The following ITIH1 variants were observed in gnomAD, a reference collection of about 807,000 sequenced individuals.
The protein encoded by ITIH1 is inter-alpha-trypsin inhibitor heavy chain 1.
Under a neutral mutation model 104.6 loss-of-function variants are expected in ITIH1, and 94 were observed. That is an observed-to-expected ratio of 0.90 (90% confidence interval 0.76 to 1.07). The LOEUF (loss-of-function observed/expected upper bound fraction) is 1.07. Ranked by LOEUF, ITIH1 falls within the 50% of genes least tolerant of loss-of-function variation. The probability of loss-of-function intolerance (pLI) is 0.00; values close to 1 mark genes in which losing one functional copy is unlikely to be tolerated. For missense variants in ITIH1, 1,193 were observed against 1,181.4 expected (o/e 1.01, Z -0.14); for synonymous variants, 455 against 464.4 (o/e 0.98, Z 0.26).
rs1698993454 is a variant in ITIH1 at position 52,779,927 on chromosome 3, T to C, written c.573+333T>C. ...CGCGCAGCCTGAGGGCCTGGAATTA[T>C]TGCTGGCACCTAAGTGGTGGCTGAG... On this transcript the variant is annotated intron_variant, in intron 5 of 21. Coordinates refer to ENST00000273283, the MANE Select transcript of ITIH1 (RefSeq NM_002215.4). This position sits in a 1 kb window ranked among gnomAD's most constrained non-coding sequence, Gnocchi z 4.4. The C allele has an allele frequency of 7.3e-7, 1 of 1,376,068 alleles. No individual in the cohort carries two copies. The allele number at this position is 1,376,068 out of a possible 1,614,324, so 85.2% of individuals were successfully genotyped here. A position where few individuals can be genotyped will look rare whatever the true frequency, so the allele number is the denominator to read the frequency against.
rs1459381561 is a variant in ITIH1, at chr3:52,788,252, A to G, written c.2026A>G (p.Ile676Val). 2 of 1,611,388 alleles carry G rather than the reference A, an allele frequency of 1.2e-6. No homozygotes were observed. Among genetic ancestry groups the G allele is most frequent in the Non-Finnish European group, 1.7e-6 (2 of 1,178,814 alleles). The change falls in exon 18 of 22, where the codon ATC becomes GTC. Residue 676 changes from isoleucine to valine, a missense_variant. Physicochemically the swap from Ile to Val is conservative, Grantham distance 29. Coordinates refer to ENST00000273283, the MANE Select transcript of ITIH1 (RefSeq NM_002215.4). ...VTGVDTDPHFIIHVPQKEDTL... is the reference protein window; with the variant it reads ...VTGVDTDPHFVIHVPQKEDTL... ...CCCAGTGGACACAGACCCTCACTTC[A>G]TCATCCACGTGCCCCAGAAAGAGGA...
intron 6 of ITIH1, among the ~76,000 whole-genome samples, chr3:52,780,977 TAGAGCCTGC>T (rs1214314999): frequency 6.6e-6 from 1 of 152,192 alleles, no homozygotes; most frequent in African/African-American, 2.4e-5. Context: ...CCCACTTATG[TAGAGCCTGC>T]ACCACAATTC....
intron 16 of ITIH1, 60 bp from the exon 17 acceptor site, chr3:52,787,926 C>T (rs1272770213): frequency 2.0e-6 from 3 of 1,483,228 alleles, no homozygotes; most frequent in Admixed American, 3.3e-5. Context: ...TCAGAGGGAT[C>T]AGCAGCTCCA....
chr3:52,778,916 CT>C (rs1559460021), intron 3 of ITIH1, 25 bp from the exon 4 acceptor site: 1 of 1,540,662 alleles, frequency 6.5e-7, no homozygotes, highest in Admixed American at 1.7e-5. Context: ...CTCATCTTTC[CT>C]GAGGGTGTCC....
In ITIH1 at chr3:52,779,817, CG is replaced by C; in HGVS notation, c.573+229del. ...AGCTTCGGTTTGCTCATCTGCTAGA[CG>C]GGGGGTTTCTGTGAGTCCCAGGACC... On this transcript the variant is annotated intron_variant, in intron 5 of 21. Transcript: ENST00000273283. This position sits in a 1 kb window ranked among gnomAD's most constrained non-coding sequence, Gnocchi z 4.4. The C allele has an allele frequency of 8.6e-7, 1 of 1,168,192 alleles. No individual in the cohort carries two copies. The highest frequency in any genetic ancestry group is 1.2e-6 in the Non-Finnish European group (1 of 858,628). The allele number at this position is 1,168,192 out of a possible 1,614,324, so 72.4% of individuals were successfully genotyped here. A position where few individuals can be genotyped will look rare whatever the true frequency, so the allele number is the denominator to read the frequency against.
chr3:52,788,474 C>A lies in ITIH1; in HGVS notation c.2119+129C>A, dbSNP rs535521406. ...TGGGCACCATCCACCTGGCTGGGCT[C>A]TGCCCGCTGCCTTCCCACGCCATCC... is the stretch of plus-strand genomic sequence containing the variant. On this transcript the variant is annotated intron_variant, in intron 18 of 21. Coordinates refer to ENST00000273283, the MANE Select transcript of ITIH1 (RefSeq NM_002215.4). The A allele has an allele frequency of 1.5e-4, 98 of 662,094 alleles. No homozygotes were observed. In the African/African-American group the frequency reaches 1.6e-3, roughly 11 times the overall value. The allele number at this position is 662,094 out of a possible 1,614,324, so 41.0% of individuals were successfully genotyped here.
chr3:52,787,477 T>G, intron 15 of ITIH1, 115 bp from the exon 16 acceptor site: 1 of 1,296,754 alleles, frequency 7.7e-7, no homozygotes, highest in Non-Finnish European at 1.1e-6. Context: ...AGGGGAGGGC[T>G]GAGACCCCCA....
chr3:52,781,421 T>A (rs1699057461), intron 6 of ITIH1, among the ~76,000 whole-genome samples: 1 of 151,968 alleles, frequency 6.6e-6, no homozygotes, highest in Non-Finnish European at 1.5e-5. Context: ...CTTACTTTTA[T>A]AACAAACAAA....
chr3:52,789,586 CA>C, intron 18 of ITIH1, 66 bp from the exon 19 acceptor site: 1 of 1,417,940 alleles, frequency 7.1e-7, no homozygotes, highest in Non-Finnish European at 9.9e-7. Flanking sequence ...AGGAAGGAGG[CA>C]TGATCCTGCT....
rs781056641 is a variant in ITIH1, at chr3:52,785,246, G to A, written c.1593+17G>A. 1 of 1,612,286 alleles carries A rather than the reference G, an allele frequency of 6.2e-7. No homozygotes were observed. The highest frequency in any genetic ancestry group is 1.1e-5 in the South Asian group (1 of 91,030). ...GCCCATGGGGTAAATGGTGGGCCAT[G>A]GAGGGTGGAGAGGCCAGGCAGCACC... is the stretch of plus-strand genomic sequence containing the variant. On this transcript the variant is annotated intron_variant, in intron 12 of 21. Transcript: ENST00000273283.
rs1165936237 is a variant in ITIH1, at chr3:52,778,432, C to T, written c.231C>T (p.Asn77=). 1.2e-6 allele frequency: 2 copies of T among 1,614,134 alleles called. No individual in the cohort carries two copies. Among genetic ancestry groups the T allele is most frequent in the African/African-American group, 2.7e-5 (2 of 74,942 alleles). Residue 77 remains asparagine (N), a synonymous_variant, in exon 3 of 22, where the codon AAC becomes AAT. Coordinates refer to ENST00000273283, the MANE Select transcript of ITIH1 (RefSeq NM_002215.4). ...ATGTTGTCACCAGCCAAGTGGTCAA[C>T]ACTGCCAATGAAGCCAGGGAAGTGG... ...AHYVVTSQVV[N]TANEAREVAF...
In ITIH1 at chr3:52,785,205, C is replaced by T. The variant is rs538908455; in HGVS notation, c.1569C>T (p.Phe523=). 1 of 1,614,106 alleles carries T rather than the reference C, an allele frequency of 6.2e-7. No individual in the cohort carries two copies. The highest frequency in any genetic ancestry group is 1.7e-5 in the Admixed American group (1 of 60,024). ...GRIADNKQSS[F]KADVQAHGEG... ...TTGCTGACAACAAACAGAGCAGCTT[C>T]AAGGCTGATGTGCAGGCCCATGGGG... The change falls in exon 12 of 22, where the codon TTC becomes TTT. Residue 523 remains phenylalanine, a synonymous_variant. Transcript: ENST00000273283.
At chr3:52,778,301 C>G (rs1262392398) in intron 2 of ITIH1, 39 bp from the exon 3 acceptor site, 1 of 1,597,852 alleles carries the variant, frequency 6.3e-7, no homozygotes, top group South Asian at 1.1e-5. Flanking sequence ...CTGACAGAGG[C>G]CCTGTCTCAG....
Position 52,783,108 on chromosome 3 carries a change from G to A in ITIH1, c.1082G>A (p.Gly361Asp), listed in dbSNP as rs1166701713. Reference sequence around the variant, plus strand: ...CAAGCAGCTCAAGACTTTGTGCGGGGCTTTTCCCTGGATGAGGGTAAGGGT... The same window carrying A: ...CAAGCAGCTCAAGACTTTGTGCGGGACTTTTCCCTGGATGAGGGTAAGGGT... ...NLQAAQDFVR[G>D]FSLDEATNLN... Residue 361 changes from glycine (G) to aspartate (D), a missense_variant, in exon 9 of 22, where the codon GGC becomes GAC. Transcript: ENST00000273283. 4 of 1,614,106 alleles carry A rather than the reference G, an allele frequency of 2.5e-6. No homozygotes were observed. Among genetic ancestry groups the A allele is most frequent in the Non-Finnish European group, 3.4e-6 (4 of 1,180,004 alleles).
chr3:52,785,115 G>C lies in ITIH1; in HGVS notation c.1479G>C (p.Leu493Phe). The change falls in exon 12 of 22, where the codon TTG becomes TTC. Residue 493 changes from leucine to phenylalanine, a missense_variant. By Grantham distance (22) the Leu-to-Phe change is conservative. Coordinates refer to ENST00000273283, the MANE Select transcript of ITIH1 (RefSeq NM_002215.4). The part of the protein sequence containing the change: ...VDLQYPQDAV[L>F]ALTQNHHKQY... ...TGCAGTACCCCCAGGATGCTGTCTT[G>C]GCCCTGACCCAGAACCACCATAAAC... 1 of 1,614,080 alleles carries C rather than the reference G, an allele frequency of 6.2e-7. No homozygotes were observed. The highest frequency in any genetic ancestry group is 8.5e-7 in the Non-Finnish European group (1 of 1,179,980).
chr3:52,780,011 G>A, intron 5 of ITIH1: 4 of 1,371,754 alleles, frequency 2.9e-6, no homozygotes, highest in Non-Finnish European at 3.8e-6. Context: ...TGCCTACTGA[G>A]TACCAGGCCC....
chr3:52,782,535 G>A (rs1344869636), intron 8 of ITIH1, among the ~76,000 whole-genome samples: 1 of 152,176 alleles, frequency 6.6e-6, no homozygotes, highest in East Asian at 1.9e-4. Context: ...TTACCCCCTG[G>A]GGGAAGTGCT....
At position 52,787,620 on chromosome 3, in the gene ITIH1, G is replaced by A; in HGVS notation, c.1924+8G>A. 1 of 1,614,104 alleles carries A rather than the reference G, an allele frequency of 6.2e-7. No individual in the cohort carries two copies. The highest frequency in any genetic ancestry group is 8.5e-7 in the Non-Finnish European group (1 of 1,179,954). The stretch of plus-strand genomic sequence containing the variant: ...TGCTGGGACCCAGAAGGAGTAAGTG[G>A]CAGCCATCCTGGCCATTCACATCTC... On this transcript the variant is annotated splice_region_variant and intron_variant, in intron 16 of 21. Coordinates refer to ENST00000273283, the MANE Select transcript of ITIH1 (RefSeq NM_002215.4).
In ITIH1 at chr3:52,786,994, C is replaced by CGG; in HGVS notation, c.1783_1784insGG (p.Gln595ArgfsTer10). 6.2e-7 allele frequency: 1 copy of CGG among 1,614,118 alleles called. No individual in the cohort carries two copies. The highest frequency in any genetic ancestry group is 1.1e-5 in the South Asian group (1 of 91,078). On this transcript the variant is annotated frameshift_variant, in exon 14 of 22. Transcript: ENST00000273283. LOFTEE classifies it high-confidence loss of function. ...GGCCAACCTGTCATCCCAGGCCCTG[C>CGG]AGATGTCGCTGGACTATGGGTTTGT...
Sources: allele counts gnomAD v4.1 joint callset (sites outside exome capture counted in the v4.1 genomes callset), GRCh38; gene constraint gnomAD v4.1.1; non-coding constraint Gnocchi (gnomAD v3.1); transcripts MANE v1.5; gene names NCBI Gene and HGNC (gene_info 2026-07-23, HGNC 2026-07-21).